NCOA3: variants seen among roughly 807,000 people sequenced by gnomAD.
The protein encoded by NCOA3 is nuclear receptor coactivator 3, also known as CBP-interacting protein.
NCOA3 carries 51 observed loss-of-function variants against 158.8 expected under a neutral mutation model. That is an observed-to-expected ratio of 0.32 (90% confidence interval 0.26 to 0.41). The LOEUF (loss-of-function observed/expected upper bound fraction) is 0.41. NCOA3 is among the 10% of genes least tolerant of loss of function. NCOA3 has a pLI of 1.00. For missense variants in NCOA3, 1,510 were observed against 1,746.6 expected (o/e 0.86, Z 2.41); for synonymous variants, 537 against 592.4 (o/e 0.91, Z 1.36).
intron 1 of NCOA3, among the ~76,000 whole-genome samples, chr20:47,527,004 T>C (rs1173096932): frequency 6.6e-6 from 1 of 152,226 alleles, no homozygotes. Context: ...ATTTGAATAA[T>C]TTATTCTTAG....
chr20:47,647,058 T>C lies in NCOA3; in HGVS notation c.3253-15T>C, dbSNP rs200881649. ...ATAGATGTTCTTCACTGTTCTTTTA[T>C]GTGTTGTGTTTAAGGGACAGGCATT... On this transcript the variant is annotated splice_polypyrimidine_tract_variant and intron_variant, in intron 17 of 22. Coordinates refer to ENST00000371998, the MANE Select transcript of NCOA3 (RefSeq NM_181659.3). 1.9e-5 allele frequency: 30 copies of C among 1,603,124 alleles called. No homozygotes were observed. The East Asian group carries it at 6.7e-4, about 36-fold the overall frequency.
rs75541015 is a variant in NCOA3 at position 47,648,373 on chromosome 20, C to T, written c.3547-632C>T. 6.5e-3 allele frequency among the ~76,000 whole-genome samples: 987 copies of T among 152,274 alleles called. 13 individuals are homozygous for T. The highest frequency in any genetic ancestry group is 0.023 in the African/African-American group (938 of 41,548). ...CTAATGGAGTTTATTCAGAATTCCTCTGATCAACTTAAAGGTATTTCCCCA... is the reference window on the plus strand; with the variant it reads ...CTAATGGAGTTTATTCAGAATTCCTTTGATCAACTTAAAGGTATTTCCCCA... On this transcript the variant is annotated intron_variant, in intron 18 of 22. Coordinates refer to ENST00000371998, the MANE Select transcript of NCOA3 (RefSeq NM_181659.3).
intron 1 of NCOA3, among the ~76,000 whole-genome samples, chr20:47,560,301 T>A (rs1373838133): frequency 2.0e-5 from 3 of 152,294 alleles, no homozygotes; most frequent in Admixed American, 2.0e-4. Flanking sequence ...GGTCTCAAAC[T>A]CCTGACCTGA....
At chr20:47,537,577 A>G (rs1006157887) in intron 1 of NCOA3, among the ~76,000 whole-genome samples, 4 of 151,250 alleles carry the variant, frequency 2.6e-5, no homozygotes, top group South Asian at 2.1e-4. Context: ...AGGGGTTTAC[A>G]TAGGGTTTTT....
Position 47,636,304 on chromosome 20 carries a change from T to TC in NCOA3, c.1924dup (p.Leu642ProfsTer6), listed in dbSNP as rs2086515148. On this transcript the variant is annotated frameshift_variant, in exon 12 of 23. Transcript: ENST00000371998. LOFTEE classifies it high-confidence loss of function. Reference sequence around the variant, plus strand: ...CCGGGGTCATTCCTCCTTGACCAACTCCCCCCTAGATTCAAGTTGTAAAGA... The same window carrying TC: ...CCGGGGTCATTCCTCCTTGACCAACTCCCCCCCTAGATTCAAGTTGTAAAGA... 1.2e-6 allele frequency: 2 copies of TC among 1,613,990 alleles called. No homozygotes were observed. Among genetic ancestry groups the TC allele is most frequent in the Non-Finnish European group, 1.7e-6 (2 of 1,180,000 alleles).
intron 1 of NCOA3, among the ~76,000 whole-genome samples, chr20:47,562,946 A>C (rs187526055): frequency 6.6e-6 from 1 of 152,186 alleles, no homozygotes; most frequent in Admixed American, 6.5e-5. Flanking sequence ...AGGTCTTGCT[A>C]TGTTGGCCGG....
Position 47,655,766 on chromosome 20 carries a change from T to C in NCOA3, c.*2349T>C, listed in dbSNP as rs977172767. Reference sequence around the variant, plus strand: ...ATCTTTCTTGACTTTAAAAAAATTATTAAAAACAAAAAAAAAATAAATTTT... The same window carrying C: ...ATCTTTCTTGACTTTAAAAAAATTACTAAAAACAAAAAAAAAATAAATTTT... On this transcript the variant is annotated 3_prime_UTR_variant, in exon 23 of 23. Coordinates refer to ENST00000371998, the MANE Select transcript of NCOA3 (RefSeq NM_181659.3). The C allele has an allele frequency of 2.0e-5, 3 of 152,424 alleles. No homozygotes were observed. The highest frequency in any genetic ancestry group is 7.3e-5 in the African/African-American group (3 of 41,372). The allele number at this position is 152,424 out of a possible 1,614,324, so 9.4% of individuals were successfully genotyped here.
chr20:47,622,976 G>T (rs2086265845), intron 3 of NCOA3: 1 of 152,178 alleles, frequency 6.6e-6, no homozygotes, highest in Non-Finnish European at 1.5e-5. Flanking sequence ...CAGACCATCT[G>T]GATGTATATG....
intron 1 of NCOA3, among the ~76,000 whole-genome samples, chr20:47,525,430 T>G (rs1455144301): frequency 2.0e-5 from 3 of 150,896 alleles, no homozygotes; most frequent in Admixed American, 6.6e-5. Context: ...TCATGGCCCG[T>G]TCTCAATGAG....
rs1000693737 is a variant in NCOA3 at position 47,548,371 on chromosome 20, C to T, written c.-98-34812C>T. 2.9e-4 allele frequency among the ~76,000 whole-genome samples: 44 copies of T among 151,638 alleles called. 1 individual carries two copies. Among genetic ancestry groups the T allele is most frequent in the African/African-American group, 1.5e-4 (6 of 41,372 alleles). On this transcript the variant is annotated intron_variant, in intron 1 of 22. Transcript: ENST00000371998. Reference sequence around the variant, plus strand: ...CAGCCAGCCCAACATGGCGAAACCCCGTCTCTACTAAAAATACAAAAAATT... The same window carrying T: ...CAGCCAGCCCAACATGGCGAAACCCTGTCTCTACTAAAAATACAAAAAATT...
intron 1 of NCOA3, among the ~76,000 whole-genome samples, chr20:47,513,368 T>C (rs2084178889): frequency 1.3e-5 from 2 of 152,040 alleles, no homozygotes; most frequent in African/African-American, 4.8e-5. Flanking sequence ...TTTGAAATAA[T>C]ATGAAACTGA....
At chr20:47,551,319 A>G (rs1231938848) in intron 1 of NCOA3, among the ~76,000 whole-genome samples, 1 of 152,200 alleles carries the variant, frequency 6.6e-6, no homozygotes, top group Non-Finnish European at 1.5e-5. Flanking sequence ...GAGCAAAAAC[A>G]TTCAAGTCCT....
intron 1 of NCOA3, among the ~76,000 whole-genome samples, chr20:47,529,405 C>T (rs543772699): frequency 2.6e-5 from 4 of 151,994 alleles, no homozygotes; most frequent in African/African-American, 4.8e-5. Flanking sequence ...AGGCATGAGC[C>T]GCCGTGCCCA....
chr20:47,551,371 G>A (rs961193193), intron 1 of NCOA3, among the ~76,000 whole-genome samples: 1 of 152,126 alleles, frequency 6.6e-6, no homozygotes, highest in Non-Finnish European at 1.5e-5. Context: ...GGCTGTGTTG[G>A]TGATGTAATG....
At chr20:47,531,506 T>G (rs2084547004) in intron 1 of NCOA3, among the ~76,000 whole-genome samples, 1 of 152,246 alleles carries the variant, frequency 6.6e-6, no homozygotes, top group African/African-American at 2.4e-5. Context: ...TCACTGACAT[T>G]TTGGAAGTAA....
chr20:47,518,164 T>C (rs1409213799), intron 1 of NCOA3, among the ~76,000 whole-genome samples: 1 of 151,228 alleles, frequency 6.6e-6, no homozygotes, highest in Admixed American at 6.6e-5. Flanking sequence ...CTGGGCAACA[T>C]AGGGAGACCC....
At chr20:47,572,856 A>C (rs975078877) in intron 1 of NCOA3, among the ~76,000 whole-genome samples, 11 of 152,138 alleles carry the variant, frequency 7.2e-5, no homozygotes, top group Admixed American at 1.3e-4. Context: ...CTTTTGACTT[A>C]AAGTGAGAGA....
At position 47,623,607 on chromosome 20, in the gene NCOA3, G is replaced by A. The variant is rs72645245; in HGVS notation, c.84-304G>A. On this transcript the variant is annotated intron_variant, in intron 3 of 22. Coordinates refer to ENST00000371998, the MANE Select transcript of NCOA3 (RefSeq NM_181659.3). Reference sequence around the variant, plus strand: ...GTTCAAGACCAGCCTGACCAACATGGTGAAACATCGTCTCAACTAAAAATG... The same window carrying A: ...GTTCAAGACCAGCCTGACCAACATGATGAAACATCGTCTCAACTAAAAATG... Among the ~76,000 whole-genome samples, 140 of 152,272 alleles carry A rather than the reference G, an allele frequency of 9.2e-4. 2 individuals carry two copies. The highest frequency in any genetic ancestry group is 3.2e-3 in the African/African-American group (133 of 41,546).
rs1321165126 is a variant in NCOA3, at chr20:47,639,789, G to A, written c.2920G>A (p.Val974Ile). The A allele has an allele frequency of 6.2e-7, 1 of 1,614,230 alleles. No homozygotes were observed. The highest frequency in any genetic ancestry group is 2.2e-5 in the East Asian group (1 of 44,886). The change falls in exon 15 of 23, where the codon GTA becomes ATA. Residue 974 changes from valine to isoleucine, a missense_variant. Val to Ile is a conservative substitution (Grantham distance 29). Coordinates refer to ENST00000371998, the MANE Select transcript of NCOA3 (RefSeq NM_181659.3). The stretch of plus-strand genomic sequence containing the variant: ...TAATAGCATACCAGGTGCGAGACCA[G>A]TATTGCAACAGCAGCAGCAGATGCT... ...RSNSIPGARP[V>I]LQQQQQMLQM...
Sources: gnomAD v4.1 joint callset for allele counts (sites outside exome capture counted in the v4.1 genomes callset) on GRCh38, gnomAD v4.1.1 for gene constraint, MANE v1.5 for transcripts, NCBI Gene and HGNC (gene_info 2026-07-23, HGNC 2026-07-21) for gene names.